Variants in SYTL2 observed in about 807,000 individuals in gnomAD.
SYTL2 encodes the protein synaptotagmin like 2, also known as synaptotagmin-like protein 2.
SYTL2 carries 165 observed loss-of-function variants against 198.7 expected under a neutral mutation model. The observed-to-expected ratio is 0.83, with a 90% CI of 0.73 to 0.94. The LOEUF (loss-of-function observed/expected upper bound fraction) is 0.94, where lower values mean the gene tolerates loss of function less well. Ranked by LOEUF, SYTL2 falls within the 40% of genes least tolerant of loss-of-function variation. SYTL2 has a pLI of 0.00. For missense variants in SYTL2, 2,835 were observed against 2,582.8 expected (o/e 1.10, Z -2.12); for synonymous variants, 966 against 917.7 (o/e 1.05, Z -0.95).
chr11:85,714,616 T>TA (rs1205087824), intron 11 of SYTL2, 109 bp from the exon 12 acceptor site: 4 of 1,462,680 alleles, frequency 2.7e-6, no homozygotes, highest in East Asian at 5.1e-5. Flanking sequence ...CATGTTTTTG[T>TA]AAAAAAGTTA....
intron 11 of SYTL2, among the ~76,000 whole-genome samples, chr11:85,715,496 A>C (rs1222069967): frequency 6.6e-6 from 1 of 152,178 alleles, no homozygotes; most frequent in Non-Finnish European, 1.5e-5. Context: ...TATTAAGAAA[A>C]TAGGTAAAAA....
At chr11:85,703,794 G>C (rs999341915) in intron 16 of SYTL2, among the ~76,000 whole-genome samples, 13 of 152,118 alleles carry the variant, frequency 8.5e-5, no homozygotes, top group Admixed American at 4.6e-4. Flanking sequence ...ATAGCACAAA[G>C]GATGAGAGAA....
At chr11:85,779,497 T>G (rs1252108559) in intron 1 of SYTL2, among the ~76,000 whole-genome samples, 6 of 152,218 alleles carry the variant, frequency 3.9e-5, no homozygotes, top group Admixed American at 2.0e-4. Flanking sequence ...TATGTGCTCT[T>G]AATTACTATG....
chr11:85,750,511 T>C (rs527854427), intron 2 of SYTL2, among the ~76,000 whole-genome samples: 3 of 152,282 alleles, frequency 2.0e-5, no homozygotes, highest in East Asian at 3.9e-4. Context: ...ACTTCAGTCC[T>C]TACTATATCA....
rs1478077963 is a variant in SYTL2, at chr11:85,726,812, T to C, written c.2546A>G (p.Tyr849Cys). The change falls in exon 8 of 20, where the codon TAT becomes TGT. Residue 849 changes from tyrosine (Y) to cysteine (C), a missense_variant. Tyr to Cys is a radical substitution (Grantham distance 194, BLOSUM62 -2). Around this residue, in one of 3 missense-constraint regions of SYTL2, gnomAD observed 2,645 missense variants for 2,381.7 expected, o/e 1.11. Transcript: ENST00000359152. ...MDSLSTDQSE[Y>C]NQAIPKRVVL... ...CACTCGTTTGGGAATGGCCTGATTA[T>C]ATTCACTCTGGTCTGTAGATAAACT... The C allele has an allele frequency of 6.5e-7, 1 of 1,536,372 alleles. No homozygotes were observed. Among genetic ancestry groups the C allele is most frequent in the South Asian group, 1.2e-5 (1 of 84,064 alleles).
At chr11:85,811,358 G>C (rs1051186252), upstream of SYTL2, among the ~76,000 whole-genome samples, 1 of 150,678 alleles carries the variant, frequency 6.6e-6, no homozygotes, top group Non-Finnish European at 1.5e-5. Context: ...GCTTCTCTCC[G>C]GTTCCTAGCC....
chr11:85,853,172 T>G, the SYTL2 span: 1 of 371,234 alleles, frequency 2.7e-6, no homozygotes, highest in Non-Finnish European at 5.3e-6. Flanking sequence ...ACCCAACAGC[T>G]CATTGAGAAC....
At chr11:85,720,437 C>T (rs1270786843) in intron 9 of SYTL2, among the ~76,000 whole-genome samples, 2 of 152,178 alleles carry the variant, frequency 1.3e-5, no homozygotes, top group Non-Finnish European at 2.9e-5. Context: ...ATTTGGATAA[C>T]AATAATTCAC....
chr11:85,852,776 A>C, the SYTL2 span: 1 of 240,378 alleles, frequency 4.2e-6, no homozygotes, highest in Non-Finnish European at 8.1e-6. Flanking sequence ...CCAAGATTGC[A>C]GCCTCTGCCC....
At chr11:85,741,244 GAA>G (rs2090765355) in intron 4 of SYTL2, among the ~76,000 whole-genome samples, 1 of 152,158 alleles carries the variant, frequency 6.6e-6, no homozygotes, top group Non-Finnish European at 1.5e-5. Context: ...GGCACTTAAT[GAA>G]GCATGAACAA....
chr11:85,701,897 A>G (rs557194570), intron 16 of SYTL2, among the ~76,000 whole-genome samples: 123 of 152,250 alleles, frequency 8.1e-4, no homozygotes, highest in Non-Finnish European at 1.5e-3. Flanking sequence ...AGAGTCTGAC[A>G]TTCTTCTCTG....
intron 2 of SYTL2, among the ~76,000 whole-genome samples, chr11:85,755,633 G>T (rs887308879): frequency 6.6e-6 from 1 of 152,158 alleles, no homozygotes; most frequent in Non-Finnish European, 1.5e-5. Flanking sequence ...CTAATTTCAG[G>T]CAGAACTTTG....
chr11:85,768,316 G>A (rs1360093012), intron 1 of SYTL2, among the ~76,000 whole-genome samples: 4 of 152,226 alleles, frequency 2.6e-5, no homozygotes, highest in Admixed American at 2.0e-4. Flanking sequence ...AAGAAGTGTT[G>A]TGATGTAGTA....
chr11:85,772,386 C>A (rs2092372368), intron 1 of SYTL2, among the ~76,000 whole-genome samples: 2 of 152,176 alleles, frequency 1.3e-5, no homozygotes, highest in South Asian at 4.1e-4. Context: ...AGCATGCTCC[C>A]ATTGAATAAG....
chr11:85,805,799 T>A (rs2092951432), intron 1 of SYTL2, among the ~76,000 whole-genome samples: 1 of 152,238 alleles, frequency 6.6e-6, no homozygotes, highest in Non-Finnish European at 1.5e-5. Flanking sequence ...CGTGGAATTG[T>A]TTGCTACGTC....
intron 3 of SYTL2, among the ~76,000 whole-genome samples, chr11:85,747,659 G>C (rs1047606698): frequency 2.0e-5 from 3 of 152,136 alleles, no homozygotes; most frequent in Non-Finnish European, 4.4e-5. Flanking sequence ...TAGCTAACAG[G>C]CTCTTGAATA....
the SYTL2 span, among the ~76,000 whole-genome samples, chr11:85,846,737 T>A: frequency 6.7e-6 from 1 of 149,950 alleles, no homozygotes; most frequent in Non-Finnish European, 1.5e-5. Flanking sequence ...TGAAACTATT[T>A]TTTTTTTTTT....
At chr11:85,754,498 AATT>A (rs1193010423) in intron 2 of SYTL2, among the ~76,000 whole-genome samples, 3 of 152,204 alleles carry the variant, frequency 2.0e-5, no homozygotes, top group African/African-American at 7.2e-5. Flanking sequence ...GAAGATTAAA[AATT>A]ATTTTTAATT....
At position 85,698,025 on chromosome 11, in the gene SYTL2, C is replaced by T. The variant is rs373082635; in HGVS notation, c.6322G>A (p.Asp2108Asn). 36 of 1,613,736 alleles carry T rather than the reference C, an allele frequency of 2.2e-5. No homozygotes were observed. Among genetic ancestry groups the T allele is most frequent in the Non-Finnish European group, 2.8e-5 (33 of 1,179,848 alleles). Residue 2108 changes from aspartate to asparagine, a missense_variant, in exon 18 of 20, where the codon GAT becomes AAT. Physicochemically the swap from Asp to Asn is conservative, Grantham distance 23. Coordinates refer to ENST00000359152, the MANE Select transcript of SYTL2 (RefSeq NM_206927.4). The stretch of plus-strand genomic sequence containing the variant: ...TGACTTCCCCTTAGCAGTGGTAGAT[C>T]AAGGCATTCCTTCACCCAGATGTGC... Reference protein sequence around the residue: ...EVHIWVKECLDLPLLRGSHLN... With the variant: ...EVHIWVKECLNLPLLRGSHLN...
Sources: allele counts gnomAD v4.1 joint callset (sites outside exome capture counted in the v4.1 genomes callset), GRCh38; gene constraint gnomAD v4.1.1; regional missense constraint gnomAD v4.1.1; transcripts MANE v1.5; gene names NCBI Gene and HGNC (gene_info 2026-07-23, HGNC 2026-07-21).